The following OPA3 variants were observed in gnomAD, a reference collection of about 807,000 sequenced individuals.
OPA3 encodes optic atrophy 3 protein.
OPA3 carries 6 observed loss-of-function variants against 4.0 expected under a neutral mutation model. The ratio of observed to expected loss-of-function variants is 1.51; its 90% confidence interval spans 0.83 to 2.99. OPA3 has a LOEUF of 2.99. Among genes scored for constraint, OPA3 ranks in the 30% most tolerant of loss-of-function variants. OPA3 has a pLI of 0.00. For synonymous variants in OPA3, 105 were observed against 117.1 expected, an observed-to-expected ratio of 0.90 and a Z score of 0.67; for missense variants, 235 against 256.2, an observed-to-expected ratio of 0.92 and a Z score of 0.56.
At chr19:45,574,513 C>A (rs1969739529) in intron 1 of OPA3, among the ~76,000 whole-genome samples, 1 of 152,104 alleles carries the variant, frequency 6.6e-6, no homozygotes, top group South Asian at 2.1e-4. Flanking sequence ...TATCCTGCTG[C>A]ATCCTCACAA....
rs1437330516 is a variant in OPA3, at chr19:45,549,374, A to AGGGCAGGGCT, written c.*4130_*4139dup. ...GACTGGCTGCCTGTCAGGGCAGGGCAGGGCAGGGCTGAGTGCGAAGTCTCT... is the reference window on the plus strand; with the variant it reads ...GACTGGCTGCCTGTCAGGGCAGGGCAGGGCAGGGCTGGGCAGGGCTGAGTGCGAAGTCTCT... On this transcript the variant is annotated 3_prime_UTR_variant, in exon 2 of 2. Transcript: ENST00000263275. The AGGGCAGGGCT allele has an allele frequency of 1.7e-5, 17 of 985,158 alleles. No homozygotes were observed. Among genetic ancestry groups the AGGGCAGGGCT allele is most frequent in the Non-Finnish European group, 1.8e-5 (15 of 829,884 alleles). 61.0% of individuals were successfully genotyped at this position (985,158 alleles called of 1,614,324 possible).
Position 45,548,238 on chromosome 19 carries a change from G to T in OPA3, c.*5276C>A, listed in dbSNP as rs190072684. 1.3e-4 allele frequency: 129 copies of T among 985,580 alleles called. No homozygotes were observed. The African/African-American group carries it at 1.7e-3, about 13-fold the overall frequency. 61.1% of individuals were successfully genotyped at this position (985,580 alleles called of 1,614,324 possible). On this transcript the variant is annotated 3_prime_UTR_variant, in exon 2 of 2. Coordinates refer to ENST00000263275, the MANE Select transcript of OPA3 (RefSeq NM_025136.4). ...CAGCGACCAGCCCAGGAGTAGCTCC[G>T]TGAGCCAATAGATCAGGTTGGGGCT...
Position 45,547,917 on chromosome 19 carries a change from G to A in OPA3, c.*5597C>T, listed in dbSNP as rs560019290. 33 of 160,074 alleles carry A rather than the reference G, an allele frequency of 2.1e-4. No individual in the cohort carries two copies. Among genetic ancestry groups the A allele is most frequent in the Non-Finnish European group, 3.9e-4 (29 of 75,322 alleles). The allele number at this position is 160,074 out of a possible 1,614,324, so 9.9% of individuals were successfully genotyped here. On this transcript the variant is annotated 3_prime_UTR_variant, in exon 2 of 2. Coordinates refer to ENST00000263275, the MANE Select transcript of OPA3 (RefSeq NM_025136.4). ...TCTCCATGTCGGTCAGGCTGGTCTC[G>A]AACTCCCGACCTCAGGGGATTGGCC...
At chr19:45,540,854 A>C (rs1568397393) in intron 1 of OPA3, among the ~76,000 whole-genome samples, 1 of 151,966 alleles carries the variant, frequency 6.6e-6, no homozygotes, top group Non-Finnish European at 1.5e-5. Context: ...GACCTCTCTC[A>C]CTGGAATTGG....
intron 1 of OPA3, among the ~76,000 whole-genome samples, chr19:45,556,526 A>G (rs1473465288): frequency 6.6e-6 from 1 of 151,782 alleles, no homozygotes; most frequent in Non-Finnish European, 1.5e-5. Flanking sequence ...GGCTGTTTTT[A>G]AATTGTTTTT....
intron 1 of OPA3, among the ~76,000 whole-genome samples, chr19:45,565,106 C>T (rs1175789882): frequency 6.6e-6 from 1 of 151,966 alleles, no homozygotes; most frequent in East Asian, 1.9e-4. Flanking sequence ...TGGTGGCACA[C>T]GCCTGTGGTC....
In OPA3 at chr19:45,550,729, T is replaced by C. The variant is rs1042870291; in HGVS notation, c.*2785A>G. 7.1e-6 allele frequency: 7 copies of C among 985,894 alleles called. No individual in the cohort carries two copies. Among genetic ancestry groups the C allele is most frequent in the African/African-American group, 3.5e-5 (2 of 57,334 alleles). 61.1% of individuals were successfully genotyped at this position (985,894 alleles called of 1,614,324 possible). A position where few individuals can be genotyped will look rare whatever the true frequency, so the allele number is the denominator to read the frequency against. On this transcript the variant is annotated 3_prime_UTR_variant, in exon 2 of 2. Transcript: ENST00000263275. The stretch of plus-strand genomic sequence containing the variant: ...CTGATTTTAATAAGCTCTGTACCCA[T>C]TGTGGAGATCCACATGGTGGTTCAG...
chr19:45,539,228 A>G (rs1969155310), intron 1 of OPA3, among the ~76,000 whole-genome samples: 1 of 152,170 alleles, frequency 6.6e-6, no homozygotes, highest in African/African-American at 2.4e-5. Context: ...GTAGGGTAAC[A>G]AAACTCTCGC....
chr19:45,568,714 G>T (rs542829780), intron 1 of OPA3, among the ~76,000 whole-genome samples: 1 of 152,180 alleles, frequency 6.6e-6, no homozygotes, highest in East Asian at 1.9e-4. Flanking sequence ...TGGTTCAAGG[G>T]ATTCAGGAGG....
chr19:45,543,048 C>T (rs182095260), downstream of OPA3, among the ~76,000 whole-genome samples: 56 of 151,684 alleles, frequency 3.7e-4, no homozygotes, highest in East Asian at 9.1e-3. Context: ...CTCACTCTGT[C>T]GCCCAGGCTG....
At chr19:45,582,498 C>T (rs931226360) in intron 1 of OPA3, among the ~76,000 whole-genome samples, 3 of 151,650 alleles carry the variant, frequency 2.0e-5, no homozygotes, top group African/African-American at 7.3e-5. Context: ...TGTTTTGAGA[C>T]GGAGTCTCGG....
At chr19:45,573,036 G>T (rs1969711812) in intron 1 of OPA3, among the ~76,000 whole-genome samples, 1 of 151,734 alleles carries the variant, frequency 6.6e-6, no homozygotes, top group Admixed American at 6.6e-5. Context: ...GAGGCCCCAA[G>T]CCCACATGAG....
intron 1 of OPA3, among the ~76,000 whole-genome samples, chr19:45,575,425 C>A (rs1456317687): frequency 1.3e-5 from 2 of 152,186 alleles, no homozygotes; most frequent in East Asian, 3.9e-4. Flanking sequence ...AGCTTTGGAT[C>A]AGATGGCTAT....
At chr19:45,554,755 T>G (rs1201800403) in intron 1 of OPA3, among the ~76,000 whole-genome samples, 1 of 152,246 alleles carries the variant, frequency 6.6e-6, no homozygotes, top group African/African-American at 2.4e-5. Flanking sequence ...TTTTAAGGTT[T>G]AGTAATTATT....
chr19:45,550,549 C>T lies in OPA3; in HGVS notation c.*2965G>A. On this transcript the variant is annotated 3_prime_UTR_variant, in exon 2 of 2. Transcript: ENST00000263275. ...TGCAGCTGGGGTAATCCAAGCCTCTCACTCTGCCCCTACTACTTCACCACC... is the reference window on the plus strand; with the variant it reads ...TGCAGCTGGGGTAATCCAAGCCTCTTACTCTGCCCCTACTACTTCACCACC... The T allele has an allele frequency of 1.0e-6, 1 of 986,662 alleles. No individual in the cohort carries two copies. Among genetic ancestry groups the T allele is most frequent in the African/African-American group, 1.7e-5 (1 of 57,362 alleles). 61.1% of individuals were successfully genotyped at this position (986,662 alleles called of 1,614,324 possible). A position where few individuals can be genotyped will look rare whatever the true frequency, so the allele number is the denominator to read the frequency against.
rs566653974 is a variant in OPA3 at position 45,572,372 on chromosome 19, GAT to G, written c.142+12249_142+12250del. ...TATCGACATATATGAGATATATATC[GAT>G]ATATATCTCATATATATCAACATAT... is the stretch of plus-strand genomic sequence containing the variant. On this transcript the variant is annotated intron_variant, in intron 1 of 1. Transcript: ENST00000263275. Among the ~76,000 whole-genome samples the G allele has an allele frequency of 3.9e-3, 461 of 118,486 alleles. 9 individuals carry two copies. The highest frequency in any genetic ancestry group is 0.014 in the African/African-American group (429 of 31,154). 77.7% of individuals were successfully genotyped at this position (118,486 alleles called of 152,430 possible). A position where few individuals can be genotyped will look rare whatever the true frequency, so the allele number is the denominator to read the frequency against.
At chr19:45,536,620 C>A (rs185499871) in intron 1 of OPA3, among the ~76,000 whole-genome samples, 1 of 151,388 alleles carries the variant, frequency 6.6e-6, no homozygotes, top group Non-Finnish European at 1.5e-5. Context: ...AAACTGGAGA[C>A]CTTACACTAC....
intron 1 of OPA3, among the ~76,000 whole-genome samples, chr19:45,535,768 T>TC (rs1042660105): frequency 1.3e-5 from 2 of 149,390 alleles, no homozygotes; most frequent in Non-Finnish European, 3.0e-5. Flanking sequence ...TTTTCTTTTT[T>TC]TTTTTTTTTT....
chr19:45,529,450 T>G, exon 2 of OPA3: 1 of 1,613,982 alleles, frequency 6.2e-7, no homozygotes, highest in Non-Finnish European at 8.5e-7. Flanking sequence ...CTCCAGCCAG[T>G]GGTACACTGC....
Sources: allele counts gnomAD v4.1 joint callset (sites outside exome capture counted in the v4.1 genomes callset), GRCh38; gene constraint gnomAD v4.1.1; transcripts MANE v1.5; gene names NCBI Gene and HGNC (gene_info 2026-07-23, HGNC 2026-07-21).